The following COL13A1 variants were observed in gnomAD, a reference collection of about 807,000 sequenced individuals.
COL13A1 encodes the protein collagen type XIII alpha 1 chain.
In COL13A1, 89 loss-of-function variants were observed where a neutral mutation model predicts 130.9. The ratio of observed to expected loss-of-function variants is 0.68; its 90% CI spans 0.57 to 0.81. The LOEUF is 0.81. Ranked by LOEUF, COL13A1 falls within the 30% of genes least tolerant of loss-of-function variation. COL13A1 has a pLI of 0.00. For missense variants in COL13A1, 879 were observed against 934.6 expected, an observed-to-expected ratio of 0.94 and a Z score of 0.78; for synonymous variants, 402 against 341.6, an observed-to-expected ratio of 1.18 and a Z score of -1.95.
intron 35 of COL13A1, among the ~76,000 whole-genome samples, chr10:69,943,113 G>T (rs1360871235): frequency 6.6e-6 from 1 of 152,188 alleles, no homozygotes; most frequent in African/African-American, 2.4e-5. Context: ...CTCCCAAAGT[G>T]CTGGGATTAC....
At chr10:69,854,013 T>C (rs1855713598) in intron 2 of COL13A1, among the ~76,000 whole-genome samples, 1 of 152,228 alleles carries the variant, frequency 6.6e-6, no homozygotes. Flanking sequence ...AAAAAAATTT[T>C]AAAGCAAAGC....
intron 6 of COL13A1, 96 bp downstream of exon 6, chr10:69,878,161 G>T (rs560256879): frequency 2.9e-6 from 2 of 686,562 alleles, no homozygotes. Context: ...CATGAAAGCC[G>T]CAGCAGAGGG....
At chr10:69,824,996 C>G (rs1177312216) in intron 2 of COL13A1, among the ~76,000 whole-genome samples, 1 of 152,182 alleles carries the variant, frequency 6.6e-6, no homozygotes, top group African/African-American at 2.4e-5. Flanking sequence ...TGCTGGGTCC[C>G]CTGCCCTGCC....
intron 16 of COL13A1, among the ~76,000 whole-genome samples, chr10:69,905,194 G>A (rs2062627893): frequency 6.6e-6 from 1 of 152,194 alleles, no homozygotes; most frequent in Admixed American, 6.5e-5. Context: ...GGCTGGCATT[G>A]AAGGCACAGT....
intron 3 of COL13A1, 71 bp downstream of exon 3, chr10:69,867,876 T>C (rs2058679331): frequency 2.8e-6 from 2 of 716,282 alleles, no homozygotes; most frequent in East Asian, 5.4e-5. Flanking sequence ...GGGTTCTGGG[T>C]GGGGGCACTG....
intron 7 of COL13A1, among the ~76,000 whole-genome samples, chr10:69,881,906 T>A (rs2060178760): frequency 6.6e-6 from 1 of 152,216 alleles, no homozygotes. Context: ...GTGGCTACAC[T>A]GGTAGCTGAT....
chr10:69,875,198 A>G, intron 5 of COL13A1, 35 bp downstream of exon 5: 3 of 1,613,694 alleles, frequency 1.9e-6, no homozygotes, highest in Non-Finnish European at 2.5e-6. Context: ...TCAGGTGGCC[A>G]TTGCTTGCTT....
intron 39 of COL13A1, chr10:69,956,331 G>A (rs59994875): frequency 0.012 from 1,817 of 152,406 alleles, 35 homozygotes; most frequent in African/African-American, 0.034. Context: ...AAAGGAGACC[G>A]ACGGTGTGCA....
chr10:69,927,291 T>C (rs1242988791), intron 27 of COL13A1, among the ~76,000 whole-genome samples, 181 bp downstream of exon 27: 1 of 152,092 alleles, frequency 6.6e-6, no homozygotes, highest in Non-Finnish European at 1.5e-5. Flanking sequence ...TCAGGACTGG[T>C]AGGTGGGCCT....
chr10:69,901,276 AGAG>A (rs2062157688), intron 14 of COL13A1, among the ~76,000 whole-genome samples: 1 of 152,206 alleles, frequency 6.6e-6, no homozygotes, highest in African/African-American at 2.4e-5. Context: ...GTGGCTTCTC[AGAG>A]GGTGTGGCAG....
At chr10:69,845,287 G>A (rs201146676) in intron 2 of COL13A1, among the ~76,000 whole-genome samples, 1 of 151,486 alleles carries the variant, frequency 6.6e-6, no homozygotes, top group South Asian at 2.1e-4. Flanking sequence ...CCGCCTCCCA[G>A]GTTCAAGTGA....
intron 2 of COL13A1, among the ~76,000 whole-genome samples, chr10:69,826,896 T>C (rs1442204377): frequency 1.3e-5 from 2 of 152,012 alleles, no homozygotes; most frequent in Non-Finnish European, 2.9e-5. Flanking sequence ...ACAAGTGGAG[T>C]ATGTGCTCAA....
chr10:69,949,799 T>A (rs2069112652), intron 38 of COL13A1, among the ~76,000 whole-genome samples: 1 of 152,074 alleles, frequency 6.6e-6, no homozygotes. Flanking sequence ...AATATAATCA[T>A]TCAGGAAAAT....
chr10:69,858,006 C>T (rs1485848856), intron 2 of COL13A1, among the ~76,000 whole-genome samples: 2 of 150,796 alleles, frequency 1.3e-5, no homozygotes, highest in African/African-American at 4.9e-5. Flanking sequence ...GTCCCAGCTA[C>T]TCAAGAGGCT....
At chr10:69,806,047 A>G (rs925687956) in intron 1 of COL13A1, among the ~76,000 whole-genome samples, 3 of 152,232 alleles carry the variant, frequency 2.0e-5, no homozygotes, top group Non-Finnish European at 4.4e-5. Context: ...TTCATCTTCC[A>G]TTAAATCTAG....
intron 2 of COL13A1, among the ~76,000 whole-genome samples, chr10:69,853,637 G>A (rs986701177): frequency 6.6e-6 from 1 of 152,168 alleles, no homozygotes; most frequent in African/African-American, 2.4e-5. Context: ...GATATTCACT[G>A]CAGCATAGAA....
intron 3 of COL13A1, among the ~76,000 whole-genome samples, chr10:69,871,341 C>T (rs2059044805): frequency 6.6e-6 from 1 of 152,146 alleles, no homozygotes; most frequent in Non-Finnish European, 1.5e-5. Context: ...ATTGCTGAGG[C>T]ACTGGGGACA....
chr10:69,905,590 C>T (rs1365579326), intron 16 of COL13A1, among the ~76,000 whole-genome samples, 197 bp from the exon 17 acceptor site: 1 of 152,194 alleles, frequency 6.6e-6, no homozygotes, highest in Non-Finnish European at 1.5e-5. Context: ...AGCCTGTTCT[C>T]AAGAGTAGAA....
intron 7 of COL13A1, among the ~76,000 whole-genome samples, chr10:69,880,958 C>G (rs761102656): frequency 3.9e-5 from 6 of 152,218 alleles, no homozygotes; most frequent in Admixed American, 6.5e-5. Flanking sequence ...GACCCAGGCA[C>G]GCACTACTGG....
Sources: allele counts gnomAD v4.1 joint callset (sites outside exome capture counted in the v4.1 genomes callset), GRCh38; gene constraint gnomAD v4.1.1; transcripts MANE v1.5; gene names NCBI Gene and HGNC (gene_info 2026-07-23, HGNC 2026-07-21).